CCSER1: variants seen among roughly 807,000 people sequenced by gnomAD.
The protein encoded by CCSER1 is serine-rich coiled-coil domain-containing protein 1.
Under a neutral mutation model 82.0 loss-of-function variants are expected in CCSER1, and 41 were observed. The observed-to-expected ratio is 0.50, with a 90% confidence interval of 0.39 to 0.65. The LOEUF (loss-of-function observed/expected upper bound fraction) is 0.65, where lower values mean the gene tolerates loss of function less well. Among genes scored for constraint, CCSER1 ranks in the 30% least tolerant of loss-of-function variants. The pLI is 0.00. For synonymous variants in CCSER1, 414 were observed against 383.9 expected, an observed-to-expected ratio of 1.08 and a Z score of -0.92; for missense variants, 1,119 against 1,064.2, an observed-to-expected ratio of 1.05 and a Z score of -0.72.
chr4:90,599,856 C>T (rs533949265), intron 5 of CCSER1, among the ~76,000 whole-genome samples: 36 of 152,294 alleles, frequency 2.4e-4, no homozygotes, highest in South Asian at 4.1e-4. Context: ...TTCTTGTGCC[C>T]TTTGTAAATC....
intron 10 of CCSER1, among the ~76,000 whole-genome samples, chr4:91,183,859 C>T (rs1021612592): frequency 6.6e-6 from 1 of 152,190 alleles, no homozygotes; most frequent in African/African-American, 2.4e-5. Flanking sequence ...CTAGGATTTC[C>T]TCTAAGGATA....
chr4:90,538,870 T>C (rs1379598782), intron 5 of CCSER1, among the ~76,000 whole-genome samples: 1 of 152,062 alleles, frequency 6.6e-6, no homozygotes, highest in Non-Finnish European at 1.5e-5. Context: ...AAGTATAAAA[T>C]ATTTTAAATT....
intron 8 of CCSER1, among the ~76,000 whole-genome samples, chr4:90,910,846 A>G (rs1223937048): frequency 6.6e-6 from 1 of 152,064 alleles, no homozygotes; most frequent in African/African-American, 2.4e-5. Context: ...TGGGGACCCA[A>G]AAACTGAAAG....
chr4:90,839,379 C>T (rs760260323), intron 8 of CCSER1, among the ~76,000 whole-genome samples: 2 of 152,172 alleles, frequency 1.3e-5, no homozygotes, highest in Non-Finnish European at 2.9e-5. Context: ...TATAAAGTTT[C>T]AGATTCAACT....
At chr4:90,575,977 C>T (rs1051314381) in intron 5 of CCSER1, among the ~76,000 whole-genome samples, 4 of 151,856 alleles carry the variant, frequency 2.6e-5, no homozygotes, top group African/African-American at 9.7e-5. Flanking sequence ...AGGGTAAGCC[C>T]TTTTACTCTG....
chr4:90,608,199 T>C (rs1041013909), intron 5 of CCSER1, among the ~76,000 whole-genome samples: 2 of 152,146 alleles, frequency 1.3e-5, no homozygotes, highest in Non-Finnish European at 2.9e-5. Context: ...CAGGGATTAG[T>C]TGGGTCCTCT....
intron 10 of CCSER1, among the ~76,000 whole-genome samples, chr4:91,363,307 A>T (rs1171225134): frequency 6.6e-6 from 1 of 151,422 alleles, no homozygotes; most frequent in Non-Finnish European, 1.5e-5. Context: ...GTTAAATTGA[A>T]TTGGAAGTAG....
intron 10 of CCSER1, among the ~76,000 whole-genome samples, chr4:91,583,021 T>A (rs909038919): frequency 6.6e-6 from 1 of 151,384 alleles, no homozygotes; most frequent in Non-Finnish European, 1.5e-5. Context: ...CGTTGTATAG[T>A]CCACTTAAGC....
At chr4:90,433,196 A>T (rs576345812) in intron 4 of CCSER1, among the ~76,000 whole-genome samples, 70 of 152,234 alleles carry the variant, frequency 4.6e-4, no homozygotes, top group African/African-American at 1.5e-3. Context: ...TTTGTGCATT[A>T]GCGCCCCACA....
chr4:91,443,894 G>A (rs1755382038), intron 10 of CCSER1, among the ~76,000 whole-genome samples: 2 of 151,708 alleles, frequency 1.3e-5, no homozygotes, highest in South Asian at 4.2e-4. Context: ...GTGTATAGTG[G>A]AATTCTTCCT....
chr4:90,343,325 C>G (rs1020801726), intron 3 of CCSER1, among the ~76,000 whole-genome samples: 7 of 152,176 alleles, frequency 4.6e-5, no homozygotes, highest in Admixed American at 2.0e-4. Context: ...CATTATTTAT[C>G]ACCTAGGTGA....
At chr4:90,350,670 G>T (rs1443805384) in intron 3 of CCSER1, among the ~76,000 whole-genome samples, 1 of 152,034 alleles carries the variant, frequency 6.6e-6, no homozygotes, top group Non-Finnish European at 1.5e-5. Flanking sequence ...CGGAAGTAAA[G>T]CTACCATTTA....
chr4:90,642,587 C>G (rs566507899), intron 6 of CCSER1: 2 of 152,170 alleles, frequency 1.3e-5, no homozygotes, highest in East Asian at 3.9e-4. Flanking sequence ...GCCTGTAATC[C>G]CAGCACTTCA....
chr4:91,594,267 A>AAATC (rs1764412740), intron 10 of CCSER1, among the ~76,000 whole-genome samples: 1 of 150,864 alleles, frequency 6.6e-6, no homozygotes, highest in African/African-American at 2.4e-5. Context: ...CAAGGCAACC[A>AAATC]AATCCATATA....
chr4:91,373,481 A>C (rs1299749365), intron 10 of CCSER1, among the ~76,000 whole-genome samples: 1 of 152,154 alleles, frequency 6.6e-6, no homozygotes, highest in Non-Finnish European at 1.5e-5. Flanking sequence ...CTTTGATGCT[A>C]CTGTTTTAAT....
chr4:91,047,914 T>A (rs1454891671), intron 9 of CCSER1, among the ~76,000 whole-genome samples: 1 of 152,136 alleles, frequency 6.6e-6, no homozygotes, highest in Non-Finnish European at 1.5e-5. Flanking sequence ...TAAATCATAC[T>A]TTTAGCAATA....
chr4:91,077,995 T>G (rs936616043), intron 9 of CCSER1, among the ~76,000 whole-genome samples: 1 of 152,204 alleles, frequency 6.6e-6, no homozygotes, highest in South Asian at 2.1e-4. Flanking sequence ...CGCCTGCCTC[T>G]GTAGACTCCA....
intron 10 of CCSER1, among the ~76,000 whole-genome samples, chr4:91,532,430 T>C (rs1225650155): frequency 6.6e-6 from 1 of 152,174 alleles, no homozygotes; most frequent in Non-Finnish European, 1.5e-5. Context: ...TTGATTATTA[T>C]CCCATCTGCA....
intron 3 of CCSER1, among the ~76,000 whole-genome samples, chr4:90,373,435 G>A (rs1747788222): frequency 6.6e-6 from 1 of 151,984 alleles, no homozygotes; most frequent in African/African-American, 2.4e-5. Context: ...AACTTAATAT[G>A]GTGCAATATG....
Sources: allele counts gnomAD v4.1 joint callset (sites outside exome capture counted in the v4.1 genomes callset), GRCh38; gene constraint gnomAD v4.1.1; transcripts MANE v1.5; gene names NCBI Gene and HGNC (gene_info 2026-07-23, HGNC 2026-07-21).